Variants in HK1 observed in about 807,000 individuals in gnomAD.
HK1 encodes hexokinase-1.
Under a neutral mutation model 91.6 loss-of-function variants are expected in HK1, and 28 were observed. That is an observed-to-expected ratio of 0.31 (90% CI 0.23 to 0.42). HK1 has a LOEUF of 0.42. HK1 is among the 10% of genes least tolerant of loss of function. The pLI is 1.00. For missense variants in HK1, 770 were observed against 1,219.8 expected (o/e 0.63, Z 5.49); for synonymous variants, 430 against 468.1 (o/e 0.92, Z 1.05).
chr10:69,326,102 G>C (rs1174803861), intron 1 of HK1, among the ~76,000 whole-genome samples: 1 of 150,780 alleles, frequency 6.6e-6, no homozygotes, highest in Non-Finnish European at 1.5e-5. Context: ...CCAAAGTGTT[G>C]GGATTACAGA....
rs1839527482 is a variant in HK1, at chr10:69,384,276, G to A, written c.1571-57G>A. Reference sequence around the variant, plus strand: ...GAAAGTCTGGAGTCTTGGGGTTACTGGCTGCCAAGAGGCACTTAGCTGTTT... The same window carrying A: ...GAAAGTCTGGAGTCTTGGGGTTACTAGCTGCCAAGAGGCACTTAGCTGTTT... On this transcript the variant is annotated intron_variant, in intron 10 of 17. Coordinates refer to ENST00000359426, the MANE Select transcript of HK1 (RefSeq NM_000188.3). The A allele has an allele frequency of 1.0e-5, 16 of 1,607,978 alleles. No homozygotes were observed. In the South Asian group the frequency reaches 1.8e-4, roughly 18 times the overall value.
At chr10:69,399,490 C>G (rs1005575817) in intron 17 of HK1, among the ~76,000 whole-genome samples, 2 of 152,082 alleles carry the variant, frequency 1.3e-5, no homozygotes, top group African/African-American at 4.8e-5. Flanking sequence ...CCAGCCTGGG[C>G]AACAGAGTGA....
chr10:69,359,398 G>A (rs562196485), intron 2 of HK1, among the ~76,000 whole-genome samples: 3 of 152,296 alleles, frequency 2.0e-5, no homozygotes, highest in African/African-American at 7.2e-5. Flanking sequence ...CTATGTGTAT[G>A]TTACCACAAT....
Position 69,371,325 on chromosome 10 carries a change from C to A in HK1, c.875+1701C>A, listed in dbSNP as rs535685400. ...AAAGGTTTTTTACCATACCCCCCCCCACCCCGCCCAATCCATTGACCCCAC... is the reference window on the plus strand; with the variant it reads ...AAAGGTTTTTTACCATACCCCCCCCAACCCCGCCCAATCCATTGACCCCAC... On this transcript the variant is annotated intron_variant, in intron 7 of 17. Coordinates refer to ENST00000359426, the MANE Select transcript of HK1 (RefSeq NM_000188.3). Among the ~76,000 whole-genome samples, 75 of 149,458 alleles carry A rather than the reference C, an allele frequency of 5.0e-4. No homozygotes were observed. The South Asian group carries it at 5.3e-3, about 11-fold the overall frequency.
intron 7 of HK1, among the ~76,000 whole-genome samples, chr10:69,374,483 A>G (rs986054266): frequency 1.3e-5 from 2 of 152,242 alleles, no homozygotes; most frequent in Non-Finnish European, 2.9e-5. Context: ...TTACCCGTTC[A>G]GTTATCACAG....
intron 17 of HK1, among the ~76,000 whole-genome samples, chr10:69,400,609 C>G (rs1445484754): frequency 6.6e-6 from 1 of 152,208 alleles, no homozygotes; most frequent in East Asian, 1.9e-4. Context: ...GAGCCTCAAG[C>G]TCCGATGTGG....
intron 8 of HK1, among the ~76,000 whole-genome samples, chr10:69,377,539 G>T (rs1211356006): frequency 6.6e-6 from 1 of 152,080 alleles, no homozygotes. Context: ...GGGCACCCTA[G>T]TAACCTCAAG....
At chr10:69,279,348 A>G (rs1844625388) in intron 1 of HK1, among the ~76,000 whole-genome samples, 1 of 152,212 alleles carries the variant, frequency 6.6e-6, no homozygotes, top group African/African-American at 2.4e-5. Context: ...GTACTCTGTC[A>G]CATTTGCTTG....
chr10:69,332,596 G>T (rs1273296440), intron 1 of HK1, among the ~76,000 whole-genome samples: 1 of 151,762 alleles, frequency 6.6e-6, no homozygotes, highest in Non-Finnish European at 1.5e-5. Context: ...TGGCCAGGCT[G>T]GTCTTGAACT....
intron 4 of HK1, among the ~76,000 whole-genome samples, chr10:69,366,029 C>T (rs1196498288): frequency 6.6e-6 from 1 of 152,130 alleles, no homozygotes; most frequent in East Asian, 1.9e-4. Context: ...TGGGGTTTCA[C>T]CATCTTGGCC....
chr10:69,353,567 C>T (rs1848988746), intron 2 of HK1, among the ~76,000 whole-genome samples: 2 of 150,146 alleles, frequency 1.3e-5, no homozygotes, highest in East Asian at 2.0e-4. Flanking sequence ...CACTGCACTC[C>T]AGCCTGGGTG....
chr10:69,354,525 G>A (rs1849036193), intron 2 of HK1, among the ~76,000 whole-genome samples: 1 of 152,090 alleles, frequency 6.6e-6, no homozygotes, highest in South Asian at 2.1e-4. Context: ...AACAGCATGG[G>A]GGGAACCACC....
intron 5 of HK1, among the ~76,000 whole-genome samples, chr10:69,301,467 G>A (rs1020228699): frequency 4.7e-5 from 7 of 149,948 alleles, no homozygotes; most frequent in South Asian, 2.1e-4. Flanking sequence ...CCAGCTACTC[G>A]GGAGGCTGAG....
At chr10:69,365,929 T>C (rs1849677009) in intron 4 of HK1, among the ~76,000 whole-genome samples, 1 of 152,078 alleles carries the variant, frequency 6.6e-6, no homozygotes, top group Non-Finnish European at 1.5e-5. Context: ...CCTCCCAGGT[T>C]CAAGCAATTC....
chr10:69,333,388 A>G (rs1847827831), intron 1 of HK1, among the ~76,000 whole-genome samples: 1 of 152,212 alleles, frequency 6.6e-6, no homozygotes, highest in Non-Finnish European at 1.5e-5. Context: ...TTGCTAAGCC[A>G]TCCACCAGGA....
chr10:69,332,307 A>T (rs1173489742), intron 1 of HK1, among the ~76,000 whole-genome samples: 1 of 151,404 alleles, frequency 6.6e-6, no homozygotes, highest in Admixed American at 6.6e-5. Context: ...GAAAGGACCC[A>T]TCCAGCTTGA....
chr10:69,390,613 T>G (rs1839855386), intron 14 of HK1, among the ~76,000 whole-genome samples: 1 of 152,210 alleles, frequency 6.6e-6, no homozygotes, highest in South Asian at 2.1e-4. Flanking sequence ...CTACTTAAGT[T>G]TCTTCAAAGG....
chr10:69,276,118 A>AAAATATATATATATATATAT lies in HK1; in HGVS notation c.-391+6011_-391+6012insAATATATATATATATATATA. Among the ~76,000 whole-genome samples the AAAATATATATATATATATAT allele has an allele frequency of 1.9e-3, 72 of 38,252 alleles. 14 individuals carry two copies. The highest frequency in any genetic ancestry group is 3.1e-3 in the Non-Finnish European group (61 of 19,622). The allele number at this position is 38,252 out of a possible 152,430, so 25.1% of individuals were successfully genotyped here. On this transcript the variant is annotated intron_variant, in intron 1 of 21. Transcript: ENST00000360289. The stretch of plus-strand genomic sequence containing the variant: ...AAAAAAAAAAAAAAAAAAAAAAAAA[A>AAAATATATATATATATATAT]ATACATATATATATATATATACACA...
intron 1 of HK1, among the ~76,000 whole-genome samples, chr10:69,339,439 G>A (rs10998725): frequency 0.093 from 14,097 of 152,248 alleles, 802 homozygotes; most frequent in South Asian, 0.19. Context: ...GCCTCAATTG[G>A]GCCTCCCTTT....
Sources: gnomAD v4.1 joint callset for allele counts (sites outside exome capture counted in the v4.1 genomes callset) on GRCh38, gnomAD v4.1.1 for gene constraint, MANE v1.5 for transcripts, NCBI Gene and HGNC (gene_info 2026-07-23, HGNC 2026-07-21) for gene names.